Variants in USF3 observed in about 807,000 individuals in gnomAD.
The protein encoded by USF3 is upstream transcription factor family member 3, also known as basic helix-loop-helix domain-containing protein USF3.
In USF3, 29 loss-of-function variants were observed where a neutral mutation model predicts 157.5. The ratio of observed to expected loss-of-function variants is 0.18; its 90% confidence interval spans 0.14 to 0.25. The LOEUF (loss-of-function observed/expected upper bound fraction) is 0.25. Among genes scored for constraint, USF3 ranks in the 10% least tolerant of loss-of-function variants. The pLI is 1.00. For synonymous variants in USF3, 893 were observed against 941.4 expected (o/e 0.95, Z 0.94); for missense variants, 2,381 against 2,667.6 (o/e 0.89, Z 2.37).
chr3:113,687,333 T>G (rs181398693), intron 1 of USF3, among the ~76,000 whole-genome samples: 16 of 152,106 alleles, frequency 1.1e-4, no homozygotes, highest in Non-Finnish European at 1.6e-4. Flanking sequence ...GTGTTTCCCC[T>G]GCCCCACTCT....
chr3:113,664,291 G>GT, intron 6 of USF3, 22 bp downstream of exon 6: 1 of 1,430,228 alleles, frequency 7.0e-7, no homozygotes, highest in Non-Finnish European at 9.7e-7. Context: ...ACAACAAAAA[G>GT]TAAGAACTTT....
intron 3 of USF3, 101 bp from the exon 4 acceptor site, chr3:113,673,477 G>C: frequency 1.4e-6 from 1 of 717,300 alleles, no homozygotes; most frequent in East Asian, 2.7e-5. Context: ...TTATGAATTT[G>C]TATTTGTTGC....
intron 1 of USF3, among the ~76,000 whole-genome samples, chr3:113,679,499 T>C (rs531140855): frequency 2.0e-5 from 3 of 150,740 alleles, no homozygotes; most frequent in South Asian, 2.1e-4. Flanking sequence ...CTGCAACCTC[T>C]GCCTCCTGGG....
At chr3:113,696,085 G>A (rs1290702510) in intron 1 of USF3, among the ~76,000 whole-genome samples, 1 of 152,182 alleles carries the variant, frequency 6.6e-6, no homozygotes, top group Non-Finnish European at 1.5e-5. Flanking sequence ...CGCCCCGCGC[G>A]CATCTAGGAG....
rs1259239801 is a variant in USF3, at chr3:113,649,567, ACAG to A, written c.*5374_*5376del. On this transcript the variant is annotated 3_prime_UTR_variant, in exon 7 of 7. Coordinates refer to ENST00000316407, the MANE Select transcript of USF3 (RefSeq NM_001009899.4). ...AGATGGCTCAGAGAATGGTAAGGCA[ACAG>A]TGAGAAACATCAGCTGTACTTGTCG... 2 of 368,780 alleles carry A rather than the reference ACAG, an allele frequency of 5.4e-6. No homozygotes were observed. The highest frequency in any genetic ancestry group is 9.6e-6 in the Non-Finnish European group (2 of 207,734). 22.8% of individuals were successfully genotyped at this position (368,780 alleles called of 1,614,324 possible). A position where few individuals can be genotyped will look rare whatever the true frequency, so the allele number is the denominator to read the frequency against.
In USF3 at chr3:113,687,231, A is replaced by T. The variant is rs1255836886; in HGVS notation, c.-135+9139T>A. Reference sequence around the variant, plus strand: ...TGTTGTGCCCTTTACACACACAGTCACACACACACACACACACACACACAC... The same window carrying T: ...TGTTGTGCCCTTTACACACACAGTCTCACACACACACACACACACACACAC... On this transcript the variant is annotated intron_variant, in intron 1 of 6. Coordinates refer to ENST00000316407, the MANE Select transcript of USF3 (RefSeq NM_001009899.4). Among the ~76,000 whole-genome samples, 20 of 73,094 alleles carry T rather than the reference A, an allele frequency of 2.7e-4. No homozygotes were observed. In the East Asian group the frequency reaches 4.0e-3, roughly 15 times the overall value. The allele number at this position is 73,094 out of a possible 152,430, so 48.0% of individuals were successfully genotyped here. A position where few individuals can be genotyped will look rare whatever the true frequency, so the allele number is the denominator to read the frequency against.
chr3:113,688,575 G>GT (rs1707611014), intron 1 of USF3, among the ~76,000 whole-genome samples: 1 of 152,204 alleles, frequency 6.6e-6, no homozygotes, highest in South Asian at 2.1e-4. Flanking sequence ...TTGAGGGCAG[G>GT]TATTTGAGTG....
intron 6 of USF3, 26 bp from the exon 7 acceptor site, chr3:113,661,451 T>A: frequency 7.6e-7 from 1 of 1,315,182 alleles, no homozygotes; most frequent in Non-Finnish European, 1.0e-6. Context: ...CAAAAATTTA[T>A]AAATACCTGA....
At chr3:113,675,679 C>CAACT (rs1707265271) in intron 2 of USF3, among the ~76,000 whole-genome samples, 1 of 152,116 alleles carries the variant, frequency 6.6e-6, no homozygotes, top group Non-Finnish European at 1.5e-5. Flanking sequence ...CAGAGATTGA[C>CAACT]AACTGTATTA....
rs760704482 is a variant in USF3, at chr3:113,660,045, G to A, written c.1637C>T (p.Ala546Val). 3.7e-6 allele frequency: 6 copies of A among 1,614,146 alleles called. No homozygotes were observed. Among genetic ancestry groups the A allele is most frequent in the Non-Finnish European group, 5.1e-6 (6 of 1,179,996 alleles). The change falls in exon 7 of 7, where the codon GCT becomes GTT. Residue 546 changes from alanine to valine, a missense_variant. By Grantham distance (64) the Ala-to-Val change is moderately conservative. Coordinates refer to ENST00000316407, the MANE Select transcript of USF3 (RefSeq NM_001009899.4). ...AQPVGSAVNS[A>V]PTNQNVIILQ... is the part of the protein sequence containing the mutation. Reference sequence around the variant, plus strand: ...AATTATAACATTTTGATTAGTTGGAGCTGAATTAACAGCTGACCCAACTGG... The same window carrying A: ...AATTATAACATTTTGATTAGTTGGAACTGAATTAACAGCTGACCCAACTGG...
In USF3 at chr3:113,655,427, T is replaced by C. The variant is rs1947336761; in HGVS notation, c.6255A>G (p.Pro2085=). 1 of 1,614,006 alleles carries C rather than the reference T, an allele frequency of 6.2e-7. No individual in the cohort carries two copies. The highest frequency in any genetic ancestry group is 1.3e-5 in the African/African-American group (1 of 74,898). The part of the protein sequence containing the change: ...PPINANASFI[P]QVTQPSATRT... Reference sequence around the variant, plus strand: ...GAGTGGCACTAGGCTGAGTAACCTGTGGAATGAAAGAAGCATTAGCATTTA... The same window carrying C: ...GAGTGGCACTAGGCTGAGTAACCTGCGGAATGAAAGAAGCATTAGCATTTA... Residue 2085 remains proline (P), a synonymous_variant, in exon 7 of 7, where the codon CCA becomes CCG. Transcript: ENST00000316407.
In USF3 at chr3:113,655,046, T is replaced by C; in HGVS notation, c.6636A>G (p.Thr2212=). The C allele has an allele frequency of 6.2e-7, 1 of 1,614,220 alleles. No homozygotes were observed. Among genetic ancestry groups the C allele is most frequent in the Non-Finnish European group, 8.5e-7 (1 of 1,180,016 alleles). Residue 2212 remains threonine, a synonymous_variant, in exon 7 of 7, where the codon ACA becomes ACG. Transcript: ENST00000316407. ...PDGSAMSPLL[T]IANSSASDSS... is the part of the protein sequence containing the mutation. ...AGTCAGAGGCAGAGGAATTTGCTAT[T>C]GTAAGCAAAGGTGACATTGCTGAGC... is the stretch of plus-strand genomic sequence containing the variant.
intron 1 of USF3, among the ~76,000 whole-genome samples, chr3:113,691,082 A>G (rs1044356437): frequency 7.2e-5 from 11 of 152,146 alleles, no homozygotes; most frequent in African/African-American, 2.4e-4. Flanking sequence ...CCAGCTAATC[A>G]GGAGCCTGAG....
At position 113,659,077 on chromosome 3, in the gene USF3, C is replaced by T; in HGVS notation, c.2605G>A (p.Val869Ile). ...GGTATTAATGATTCAGAGCTTAGAACACCCAAAGAATGTGAAGCAGAAACA... is the reference window on the plus strand; with the variant it reads ...GGTATTAATGATTCAGAGCTTAGAATACCCAAAGAATGTGAAGCAGAAACA... ...VSVSASHSLG[V>I]LSSESLIPES... The change falls in exon 7 of 7, where the codon GTT (valine) becomes ATT (isoleucine). Residue 869 changes from valine to isoleucine, a missense_variant. Physicochemically the swap from Val to Ile is conservative, Grantham distance 29. Coordinates refer to ENST00000316407, the MANE Select transcript of USF3 (RefSeq NM_001009899.4). 6.2e-7 allele frequency: 1 copy of T among 1,614,130 alleles called. No homozygotes were observed. The highest frequency in any genetic ancestry group is 8.5e-7 in the Non-Finnish European group (1 of 1,179,996).
At chr3:113,667,343 C>G (rs1198908670) in intron 5 of USF3, among the ~76,000 whole-genome samples, 1 of 152,192 alleles carries the variant, frequency 6.6e-6, no homozygotes, top group Non-Finnish European at 1.5e-5. Context: ...ATACTGACTT[C>G]CTTTGCACAT....
intron 1 of USF3, among the ~76,000 whole-genome samples, chr3:113,692,747 T>G (rs1025725327): frequency 6.6e-6 from 1 of 152,208 alleles, no homozygotes; most frequent in African/African-American, 2.4e-5. Context: ...AGAAACAACT[T>G]ATCATGTCCT....
chr3:113,659,642 T>C lies in USF3; in HGVS notation c.2040A>G (p.Ser680=), dbSNP rs1276998868. Residue 680 remains serine (S), a synonymous_variant, in exon 7 of 7, where the codon TCA becomes TCG. Coordinates refer to ENST00000316407, the MANE Select transcript of USF3 (RefSeq NM_001009899.4). ...GCATAGGGGTTTGATTTGTAGTTCC[T>C]GATGAAGACATCACAGGCTGCAAAG... ...LFALQPVMSS[S]GTTNQTPMQI... The C allele has an allele frequency of 6.2e-7, 1 of 1,614,250 alleles. No homozygotes were observed. The highest frequency in any genetic ancestry group is 8.5e-7 in the Non-Finnish European group (1 of 1,180,034).
chr3:113,688,645 T>C (rs1707612319), intron 1 of USF3, among the ~76,000 whole-genome samples: 1 of 152,210 alleles, frequency 6.6e-6, no homozygotes, highest in Admixed American at 6.5e-5. Context: ...TAGTGGGTAA[T>C]CAACAAGTAT....
rs2107918570 is a variant in USF3, at chr3:113,656,855, G to A, written c.4827C>T (p.Ser1609=). ...DIMHQQQDVG[S]RQQGSGVSSE... is the part of the protein sequence containing the mutation. ...ATGAAACCCCTGAACCTTGCTGTCT[G>A]CTTCCAACATCCTGCTGTTGGTGCA... Residue 1609 remains serine (S), a synonymous_variant, in exon 7 of 7, where the codon AGC becomes AGT. Coordinates refer to ENST00000316407, the MANE Select transcript of USF3 (RefSeq NM_001009899.4). The A allele has an allele frequency of 2.5e-6, 4 of 1,614,222 alleles. No homozygotes were observed. The East Asian group carries it at 8.9e-5, about 36-fold the overall frequency.
Sources: allele counts gnomAD v4.1 joint callset (sites outside exome capture counted in the v4.1 genomes callset), GRCh38; gene constraint gnomAD v4.1.1; transcripts MANE v1.5; gene names NCBI Gene and HGNC (gene_info 2026-07-23, HGNC 2026-07-21).